ZFHX3: variants seen among roughly 807,000 people sequenced by gnomAD.
ZFHX3 encodes zinc finger homeobox 3, also known as zinc finger homeobox protein 3.
Under a neutral mutation model 279.1 loss-of-function variants are expected in ZFHX3, and 42 were observed. The ratio of observed to expected loss-of-function variants is 0.15; its 90% CI spans 0.12 to 0.19. The LOEUF (loss-of-function observed/expected upper bound fraction) is 0.19. ZFHX3 is among the 10% of genes least tolerant of loss of function. The pLI, the probability that ZFHX3 is intolerant of heterozygous loss-of-function variation, is 1.00. For synonymous variants in ZFHX3, 2,293 were observed against 1,957.8 expected (o/e 1.17, Z -4.52); for missense variants, 4,981 against 4,754.0 (o/e 1.05, Z -1.40).
chr16:73,858,548 T>C (rs971324965), intron 1 of ZFHX3, among the ~76,000 whole-genome samples: 8 of 152,344 alleles, frequency 5.3e-5, no homozygotes, highest in East Asian at 1.9e-4. Context: ...TATGCCTTCA[T>C]GAAATATTGC....
chr16:73,724,437 G>T (rs1277752377), intron 1 of ZFHX3, among the ~76,000 whole-genome samples: 1 of 152,130 alleles, frequency 6.6e-6, no homozygotes, highest in Non-Finnish European at 1.5e-5. Flanking sequence ...ACATCCTCAT[G>T]GGGCAACCAG....
At chr16:73,376,520 G>C (rs1456336965) in intron 3 of ZFHX3, among the ~76,000 whole-genome samples, 3 of 152,080 alleles carry the variant, frequency 2.0e-5, no homozygotes, top group Non-Finnish European at 4.4e-5. Context: ...TCATTTATTA[G>C]TTCTTCTAAA....
At chr16:72,999,670 T>C (rs980958725) in intron 1 of ZFHX3, among the ~76,000 whole-genome samples, 3 of 152,158 alleles carry the variant, frequency 2.0e-5, no homozygotes, top group Non-Finnish European at 2.9e-5. Flanking sequence ...CCCCATCCTA[T>C]TGGGCACGAT....
At chr16:73,148,861 C>T (rs1966881989) in intron 5 of ZFHX3, among the ~76,000 whole-genome samples, 1 of 151,732 alleles carries the variant, frequency 6.6e-6, no homozygotes, top group Non-Finnish European at 1.5e-5. Context: ...GCAGTAGAAC[C>T]ATTTGAACCT....
At chr16:72,839,474 T>G (rs374496595) in intron 4 of ZFHX3, among the ~76,000 whole-genome samples, 3 of 152,128 alleles carry the variant, frequency 2.0e-5, no homozygotes, top group Admixed American at 6.5e-5. Context: ...GCATGCAAAA[T>G]AGAAGGTCCT....
At chr16:73,419,943 G>C (rs1395201209) in intron 3 of ZFHX3, 1 of 150,418 alleles carries the variant, frequency 6.6e-6, no homozygotes, top group African/African-American at 2.5e-5. Context: ...GTCTCACTCT[G>C]TCACCCAGGC....
At chr16:72,858,793 C>A (rs1319056625) in intron 4 of ZFHX3, among the ~76,000 whole-genome samples, 2 of 152,370 alleles carry the variant, frequency 1.3e-5, no homozygotes, top group East Asian at 1.9e-4. Context: ...GCTGCCGCAA[C>A]CTGGGCGACA....
At chr16:73,170,020 T>C (rs564537894) in intron 5 of ZFHX3, among the ~76,000 whole-genome samples, 3 of 152,212 alleles carry the variant, frequency 2.0e-5, no homozygotes, top group Admixed American at 1.3e-4. Flanking sequence ...GTAAGCTCCA[T>C]GGAGGCAGGG....
intron 3 of ZFHX3, among the ~76,000 whole-genome samples, chr16:73,432,030 G>A (rs1414150784): frequency 6.6e-6 from 1 of 152,170 alleles, no homozygotes; most frequent in Admixed American, 6.5e-5. Context: ...TGAGTTCTGA[G>A]TTCCGAGGTC....
intron 1 of ZFHX3, among the ~76,000 whole-genome samples, chr16:73,881,168 T>C (rs916512577): frequency 6.6e-6 from 1 of 152,038 alleles, no homozygotes; most frequent in African/African-American, 2.4e-5. Context: ...AGATGAACTG[T>C]CTCTGTATTT....
In ZFHX3 at chr16:72,959,369, A is replaced by G. The variant is rs766930393; in HGVS notation, c.777T>C (p.Asp259=). ...GSAKSSCVSK[D]VPNNVDLSKF... is the part of the protein sequence containing the mutation. Reference sequence around the variant, plus strand: ...TGGACAGGTCCACATTGTTGGGAACATCTTTGGATACGCAGGAGCTTTTGG... The same window carrying G: ...TGGACAGGTCCACATTGTTGGGAACGTCTTTGGATACGCAGGAGCTTTTGG... The change falls in exon 2 of 10, where the codon GAT becomes GAC. Residue 259 remains aspartate (D), a synonymous_variant. Transcript: ENST00000268489. 5.0e-6 allele frequency: 8 copies of G among 1,614,226 alleles called. No homozygotes were observed. The East Asian group carries it at 6.7e-5, about 13-fold the overall frequency.
intron 7 of ZFHX3, among the ~76,000 whole-genome samples, chr16:73,108,517 C>T (rs1299263603): frequency 1.3e-5 from 2 of 152,054 alleles, no homozygotes; most frequent in Non-Finnish European, 1.5e-5. Context: ...GATCCTCCCA[C>T]CTTGACCTCA....
chr16:73,684,371 T>G (rs1174248794), intron 1 of ZFHX3, among the ~76,000 whole-genome samples: 2 of 151,972 alleles, frequency 1.3e-5, no homozygotes, highest in Non-Finnish European at 2.9e-5. Flanking sequence ...TGTAATGACA[T>G]GAACTTTAGG....
intron 3 of ZFHX3, among the ~76,000 whole-genome samples, chr16:73,448,751 T>A (rs1227180578): frequency 6.6e-6 from 1 of 151,418 alleles, no homozygotes; most frequent in Non-Finnish European, 1.5e-5. Flanking sequence ...CATTCATTTT[T>A]TCCTATATAT....
intron 5 of ZFHX3, among the ~76,000 whole-genome samples, chr16:73,145,509 G>C (rs1171507163): frequency 6.6e-6 from 1 of 152,256 alleles, no homozygotes; most frequent in Non-Finnish European, 1.5e-5. Context: ...TGATGGAAGT[G>C]GCTGATCACA....
At chr16:73,566,688 CTTTTTTTT>C (rs35009584) in intron 2 of ZFHX3, among the ~76,000 whole-genome samples, 1 of 120,022 alleles carries the variant, frequency 8.3e-6, no homozygotes, top group Non-Finnish European at 1.7e-5. Flanking sequence ...ACCAAGCTAA[CTTTTTTTT>C]TTTTTTTTTT....
intron 3 of ZFHX3, among the ~76,000 whole-genome samples, chr16:73,377,086 C>T (rs1399238270): frequency 1.3e-5 from 2 of 151,916 alleles, no homozygotes; most frequent in African/African-American, 4.8e-5. Flanking sequence ...ATTCTCCTGC[C>T]TCAGCCTCCC....
chr16:73,451,605 G>A (rs114463555), intron 3 of ZFHX3, among the ~76,000 whole-genome samples: 3,149 of 152,300 alleles, frequency 0.021, 108 homozygotes, highest in African/African-American at 0.071. Context: ...TTGATGGAGT[G>A]AGCCACCTGC....
At chr16:73,038,794 T>C (rs1157069076) in intron 1 of ZFHX3, among the ~76,000 whole-genome samples, 1 of 85,186 alleles carries the variant, frequency 1.2e-5, no homozygotes, top group African/African-American at 4.8e-5. Flanking sequence ...TTACTATTAT[T>C]ATTATTATTA....
Sources: allele counts gnomAD v4.1 joint callset (sites outside exome capture counted in the v4.1 genomes callset), GRCh38; gene constraint gnomAD v4.1.1; transcripts MANE v1.5; gene names NCBI Gene and HGNC (gene_info 2026-07-23, HGNC 2026-07-21).